DENND1A: variants seen among roughly 807,000 people sequenced by gnomAD.
DENND1A encodes the protein DENN domain containing 1A.
A neutral mutation model predicts 113.7 loss-of-function variants in DENND1A; 51 were observed. The observed-to-expected ratio is 0.45, with a 90% CI of 0.36 to 0.57. The LOEUF is 0.57. Among genes scored for constraint, DENND1A ranks in the 20% least tolerant of loss-of-function variants. The pLI is 0.00. For synonymous variants in DENND1A, 565 were observed against 570.8 expected, an observed-to-expected ratio of 0.99 and a Z score of 0.14; for missense variants, 1,258 against 1,395.9, an observed-to-expected ratio of 0.90 and a Z score of 1.57.
chr9:123,834,065 G>A (rs1840700216), intron 2 of DENND1A, among the ~76,000 whole-genome samples: 1 of 152,094 alleles, frequency 6.6e-6, no homozygotes, highest in South Asian at 2.1e-4. Context: ...AAAAAAAACA[G>A]GCTCAAATAG....
At chr9:123,769,605 C>T (rs1375466193) in intron 3 of DENND1A, 42 bp from the exon 4 acceptor site, 4 of 1,547,390 alleles carry the variant, frequency 2.6e-6, no homozygotes, top group Middle Eastern at 3.4e-4. Context: ...CTAATGGGAC[C>T]AGTAAATCTA....
At chr9:123,457,504 C>G in intron 14 of DENND1A, 69 bp from the exon 15 acceptor site, 1 of 1,281,718 alleles carries the variant, frequency 7.8e-7, no homozygotes, top group South Asian at 1.2e-5. Flanking sequence ...TTCAGCTGGG[C>G]ACCTTACTGT....
At chr9:123,399,564 G>T (rs1279270559) in intron 21 of DENND1A, among the ~76,000 whole-genome samples, 2 of 152,166 alleles carry the variant, frequency 1.3e-5, no homozygotes, top group Non-Finnish European at 1.5e-5. Context: ...GGATGTTGGT[G>T]AATGTCATTC....
At chr9:123,827,442 G>A (rs952997555) in intron 2 of DENND1A, among the ~76,000 whole-genome samples, 2 of 150,126 alleles carry the variant, frequency 1.3e-5, no homozygotes, top group Admixed American at 1.3e-4. Context: ...CTGACCCTGG[G>A]AGGTCGAGGC....
At chr9:123,830,873 G>GAAAAAAAAAAAAAAAAAAAAAAAA (rs71390447) in intron 2 of DENND1A, among the ~76,000 whole-genome samples, 1 of 39,310 alleles carries the variant, frequency 2.5e-5, no homozygotes, top group Non-Finnish European at 4.5e-5. Flanking sequence ...TCTCAAAAAT[G>GAAAAAAAAAAAAAAAAAAAAAAAA]AAAAAAAAAA....
chr9:123,546,448 A>C (rs1224753633), intron 13 of DENND1A, among the ~76,000 whole-genome samples: 1 of 151,894 alleles, frequency 6.6e-6, no homozygotes, highest in Admixed American at 6.6e-5. Context: ...GCTACTTGGG[A>C]GGCTGAGGCA....
intron 2 of DENND1A, among the ~76,000 whole-genome samples, chr9:123,862,712 A>G (rs605402): frequency 0.086 from 13,128 of 152,052 alleles, 972 homozygotes; most frequent in African/African-American, 0.2. Flanking sequence ...CTTCCTTCCC[A>G]TCCACCACCC....
At chr9:123,564,822 A>G (rs1233578727) in intron 12 of DENND1A, among the ~76,000 whole-genome samples, 1 of 152,076 alleles carries the variant, frequency 6.6e-6, no homozygotes, top group Non-Finnish European at 1.5e-5. Context: ...ACTACTACTC[A>G]TCCTTCAGGT....
At chr9:123,410,272 T>C (rs1268185471) in intron 20 of DENND1A, among the ~76,000 whole-genome samples, 1 of 152,282 alleles carries the variant, frequency 6.6e-6, no homozygotes, top group African/African-American at 2.4e-5. Context: ...CAAGCCTAGC[T>C]CTGTCGGCCC....
At chr9:123,382,906 C>T (rs1013376271) in intron 23 of DENND1A, among the ~76,000 whole-genome samples, 2 of 152,040 alleles carry the variant, frequency 1.3e-5, no homozygotes, top group African/African-American at 4.8e-5. Context: ...CTCCAGCTAC[C>T]GGCTGGCCCT....
At chr9:123,440,315 T>TAAA in intron 19 of DENND1A, 45 bp downstream of exon 19, 2 of 1,370,768 alleles carry the variant, frequency 1.5e-6, no homozygotes, top group Non-Finnish European at 2.0e-6. Context: ...AAAACAAAAA[T>TAAA]AAAAAAAAAA....
intron 3 of DENND1A, among the ~76,000 whole-genome samples, chr9:123,788,975 G>C (rs1218926384): frequency 6.6e-6 from 1 of 151,566 alleles, no homozygotes; most frequent in Non-Finnish European, 1.5e-5. Context: ...TACCAATGTT[G>C]ATGTTTTAGT....
At chr9:123,437,588 A>T (rs548379540) in intron 19 of DENND1A, 1 of 152,368 alleles carries the variant, frequency 6.6e-6, no homozygotes, top group Admixed American at 6.5e-5. Flanking sequence ...GCTGGTTAAG[A>T]TGATTTTGCC....
At chr9:123,637,345 G>T (rs1420964831) in intron 9 of DENND1A, among the ~76,000 whole-genome samples, 1 of 152,160 alleles carries the variant, frequency 6.6e-6, no homozygotes, top group African/African-American at 2.4e-5. Flanking sequence ...GTGTGTCTTG[G>T]GAAGTTGTTC....
At chr9:123,391,493 G>T (rs746068623) in intron 21 of DENND1A, among the ~76,000 whole-genome samples, 1 of 152,160 alleles carries the variant, frequency 6.6e-6, no homozygotes, top group South Asian at 2.1e-4. Flanking sequence ...GCAGCTAAAG[G>T]TAGAGCTAGG....
chr9:123,489,254 T>A (rs73665305), intron 13 of DENND1A, among the ~76,000 whole-genome samples: 1 of 152,146 alleles, frequency 6.6e-6, no homozygotes, highest in Non-Finnish European at 1.5e-5. Flanking sequence ...AAACTTACTA[T>A]GATGAAAGGA....
intron 20 of DENND1A, among the ~76,000 whole-genome samples, chr9:123,410,337 C>T (rs994555505): frequency 1.3e-5 from 2 of 152,222 alleles, no homozygotes; most frequent in Non-Finnish European, 2.9e-5. Flanking sequence ...CTAGAAGGGG[C>T]CTCCTGTCCC....
intron 13 of DENND1A, among the ~76,000 whole-genome samples, chr9:123,549,038 T>C (rs1308729965): frequency 1.3e-5 from 2 of 152,264 alleles, no homozygotes; most frequent in Non-Finnish European, 2.9e-5. Context: ...ACTGTATACT[T>C]AACAATGGTT....
chr9:123,789,062 G>GA (rs1832616921), intron 3 of DENND1A, among the ~76,000 whole-genome samples: 2 of 139,448 alleles, frequency 1.4e-5, no homozygotes, highest in African/African-American at 2.6e-5. Flanking sequence ...CTTTTGCCTT[G>GA]TTTTTTTTTT....
Sources: gnomAD v4.1 joint callset for allele counts (sites outside exome capture counted in the v4.1 genomes callset) on GRCh38, gnomAD v4.1.1 for gene constraint, MANE v1.5 for transcripts, NCBI Gene and HGNC (gene_info 2026-07-23, HGNC 2026-07-21) for gene names.